Variants in IGSF21 observed in about 807,000 individuals in gnomAD.
IGSF21 encodes the protein immunoglobin superfamily member 21, also known as immunoglobulin superfamily member 21.
Under a neutral mutation model 46.8 loss-of-function variants are expected in IGSF21, and 28 were observed. That is an observed-to-expected ratio of 0.60 (90% CI 0.44 to 0.82). The LOEUF is 0.82. Among genes scored for constraint, IGSF21 ranks in the 40% least tolerant of loss-of-function variants. The pLI is 0.00. For synonymous variants in IGSF21, 284 were observed against 273.6 expected, an observed-to-expected ratio of 1.04 and a Z score of -0.38; for missense variants, 624 against 665.5, an observed-to-expected ratio of 0.94 and a Z score of 0.69.
chr1:18,277,376 T>G (rs1483777714), intron 2 of IGSF21, among the ~76,000 whole-genome samples: 1 of 152,180 alleles, frequency 6.6e-6, no homozygotes, highest in Non-Finnish European at 1.5e-5. Context: ...ACTCTGATGC[T>G]CTGTGCCTGC....
At position 18,376,397 on chromosome 1, in the gene IGSF21, T is replaced by G; in HGVS notation, c.1101+2T>G. 1.9e-6 allele frequency: 3 copies of G among 1,610,334 alleles called. No individual in the cohort carries two copies. Among genetic ancestry groups the G allele is most frequent in the Non-Finnish European group, 2.5e-6 (3 of 1,176,656 alleles). On this transcript the variant is annotated splice_donor_variant, in intron 7 of 9. Transcript: ENST00000251296. LOFTEE classifies it high-confidence loss of function. Reference sequence around the variant, plus strand: ...AGGATTCTGGTCCATGGGTTTCAGGTCAGCCTCTCTCTGAGCATCTGGGAG... The same window carrying G: ...AGGATTCTGGTCCATGGGTTTCAGGGCAGCCTCTCTCTGAGCATCTGGGAG...
chr1:18,146,260 A>G (rs1254624792), intron 1 of IGSF21, among the ~76,000 whole-genome samples: 1 of 152,200 alleles, frequency 6.6e-6, no homozygotes, highest in Non-Finnish European at 1.5e-5. Flanking sequence ...CAGAACACCG[A>G]GTCCAAAGCA....
At chr1:18,316,346 T>C (rs1201550689) in intron 3 of IGSF21, among the ~76,000 whole-genome samples, 1 of 152,222 alleles carries the variant, frequency 6.6e-6, no homozygotes, top group Non-Finnish European at 1.5e-5. Flanking sequence ...TCTCCCCTGC[T>C]GTTAAGGGAG....
intron 6 of IGSF21, among the ~76,000 whole-genome samples, chr1:18,367,836 C>T (rs755109648): frequency 6.6e-6 from 1 of 151,816 alleles, no homozygotes; most frequent in East Asian, 2.0e-4. Context: ...AACTCCCAAC[C>T]TCAGGTGATC....
chr1:18,312,097 G>A (rs758799123), intron 3 of IGSF21, among the ~76,000 whole-genome samples: 8 of 152,104 alleles, frequency 5.3e-5, no homozygotes, highest in South Asian at 2.1e-4. Context: ...GGGTGGGCAC[G>A]GCATCCTCAC....
chr1:18,195,283 G>C (rs561458648), intron 1 of IGSF21, among the ~76,000 whole-genome samples: 16 of 152,314 alleles, frequency 1.1e-4, no homozygotes, highest in African/African-American at 2.9e-4. Context: ...ACACAGCCAA[G>C]CTGTCTCCAG....
chr1:18,163,320 G>A (rs1486017773), intron 1 of IGSF21, among the ~76,000 whole-genome samples: 1 of 152,174 alleles, frequency 6.6e-6, no homozygotes, highest in African/African-American at 2.4e-5. Flanking sequence ...AATGTCGCAG[G>A]AGGAGGTATG....
chr1:18,218,982 A>T (rs1284426579), intron 1 of IGSF21, among the ~76,000 whole-genome samples: 1 of 152,260 alleles, frequency 6.6e-6, no homozygotes, highest in Non-Finnish European at 1.5e-5. Flanking sequence ...TAGAGATGAC[A>T]GAGGAAAGAA....
At chr1:18,286,138 A>G (rs972241666) in intron 2 of IGSF21, among the ~76,000 whole-genome samples, 6 of 152,200 alleles carry the variant, frequency 3.9e-5, no homozygotes, top group African/African-American at 1.2e-4. Context: ...CATATCCCCA[A>G]CCTCAAAGTA....
At chr1:18,327,610 A>C (rs961917024) in intron 3 of IGSF21, among the ~76,000 whole-genome samples, 30 of 152,228 alleles carry the variant, frequency 2.0e-4, no homozygotes, top group African/African-American at 7.2e-4. Flanking sequence ...GAATCTCAAA[A>C]TAATGACAAG....
At chr1:18,122,788 AT>A (rs930215019) in intron 1 of IGSF21, among the ~76,000 whole-genome samples, 14 of 151,142 alleles carry the variant, frequency 9.3e-5, no homozygotes, top group African/African-American at 2.9e-4. Flanking sequence ...GCCCCAGCTA[AT>A]TTTTTTTCTG....
chr1:18,360,763 C>T (rs757115369), intron 4 of IGSF21, among the ~76,000 whole-genome samples: 29 of 152,294 alleles, frequency 1.9e-4, no homozygotes, highest in South Asian at 2.1e-4. Flanking sequence ...TAGCAAATTC[C>T]TACCATATGC....
intron 3 of IGSF21, among the ~76,000 whole-genome samples, chr1:18,323,722 ACTTT>A (rs949729446): frequency 7.2e-5 from 11 of 152,008 alleles, no homozygotes; most frequent in African/African-American, 2.7e-4. Context: ...CTCTGTGCCT[ACTTT>A]CTTTGGTACC....
At chr1:18,345,034 C>T (rs954651721) in intron 4 of IGSF21, among the ~76,000 whole-genome samples, 3 of 152,172 alleles carry the variant, frequency 2.0e-5, no homozygotes, top group Admixed American at 6.5e-5. Flanking sequence ...CGAGCTTCCA[C>T]CTCTTACCCC....
intron 6 of IGSF21, among the ~76,000 whole-genome samples, chr1:18,371,462 CT>C (rs1373668315): frequency 6.6e-6 from 1 of 151,816 alleles, no homozygotes; most frequent in African/African-American, 2.4e-5. Context: ...GGCCCAACTA[CT>C]TGGGAGGCTG....
intron 1 of IGSF21, among the ~76,000 whole-genome samples, chr1:18,211,158 C>G (rs1205126276): frequency 6.6e-6 from 1 of 152,206 alleles, no homozygotes; most frequent in Non-Finnish European, 1.5e-5. Context: ...AGGCATGAGC[C>G]ACTGTGCCTG....
At chr1:18,128,415 G>A (rs757411632) in intron 1 of IGSF21, among the ~76,000 whole-genome samples, 8 of 152,104 alleles carry the variant, frequency 5.3e-5, no homozygotes, top group Non-Finnish European at 7.3e-5. Context: ...TGGTGTTGGC[G>A]TCTCCTGGCC....
At chr1:18,343,035 A>G (rs1215537968) in intron 4 of IGSF21, among the ~76,000 whole-genome samples, 1 of 152,212 alleles carries the variant, frequency 6.6e-6, no homozygotes, top group Admixed American at 6.5e-5. Flanking sequence ...CAGTGGCTGC[A>G]CTGTGTTATA....
chr1:18,108,231 G>T, intron 1 of IGSF21, 33 bp downstream of exon 1: 3 of 1,331,676 alleles, frequency 2.3e-6, no homozygotes, highest in Non-Finnish European at 2.9e-6. Flanking sequence ...GGAGCCGAGC[G>T]GTGAACGTGC....
Sources: allele counts gnomAD v4.1 joint callset (sites outside exome capture counted in the v4.1 genomes callset), GRCh38; gene constraint gnomAD v4.1.1; transcripts MANE v1.5; gene names NCBI Gene and HGNC (gene_info 2026-07-23, HGNC 2026-07-21).